Variants in TCAF1 observed in about 807,000 individuals in gnomAD.
The protein encoded by TCAF1 is TRPM8 channel-associated factor 1.
TCAF1 carries 4 observed loss-of-function variants against 27.3 expected under a neutral mutation model. The ratio of observed to expected loss-of-function variants is 0.15; its 90% CI spans 0.07 to 0.34. The LOEUF is 0.34. Among genes scored for constraint, TCAF1 ranks in the 10% least tolerant of loss-of-function variants. The probability of loss-of-function intolerance (pLI) is 1.00; values close to 1 mark genes in which losing one functional copy is unlikely to be tolerated. For missense variants in TCAF1, 257 were observed against 425.8 expected, an observed-to-expected ratio of 0.60 and a Z score of 3.49; for synonymous variants, 105 against 167.1, an observed-to-expected ratio of 0.63 and a Z score of 2.87.
intron 1 of TCAF1, chr7:143,885,669 T>C (rs1813365950): frequency 2.1e-6 from 1 of 477,396 alleles, no homozygotes; most frequent in South Asian, 8.9e-5. Context: ...TAAATCTACT[T>C]ATATATTGCC....
intron 2 of TCAF1, among the ~76,000 whole-genome samples, chr7:143,870,715 CATAAA>C (rs1812421340): frequency 6.7e-6 from 1 of 148,170 alleles, no homozygotes; most frequent in African/African-American, 2.5e-5. Flanking sequence ...TGTTAGCATT[CATAAA>C]ATAAAATTAA....
At chr7:143,897,149 T>C (rs1172626727) in intron 1 of TCAF1, among the ~76,000 whole-genome samples, 3 of 90,518 alleles carry the variant, frequency 3.3e-5, no homozygotes. Context: ...TATATATATA[T>C]ATATATATAT....
chr7:143,860,028 T>TAATATATA (rs1240577388), intron 6 of TCAF1, among the ~76,000 whole-genome samples, 180 bp downstream of exon 6: 51 of 4,234 alleles, frequency 0.012, 4 homozygotes, highest in African/African-American at 0.018. Flanking sequence ...TATTATATAT[T>TAATATATA]ATATATATAA....
intron 1 of TCAF1, among the ~76,000 whole-genome samples, chr7:143,890,579 T>TA (rs1215900844): frequency 6.6e-6 from 1 of 152,244 alleles, no homozygotes; most frequent in South Asian, 2.1e-4. Flanking sequence ...GTAAACAACA[T>TA]AAACAGGACA....
chr7:143,859,862 TAC>T (rs66763992), intron 6 of TCAF1, among the ~76,000 whole-genome samples: 10,396 of 63,724 alleles, frequency 0.16, 2,749 homozygotes, highest in Middle Eastern at 0.28. Context: ...CTGTTTTATA[TAC>T]ACATATACAT....
chr7:143,887,142 T>C (rs1002851565), intron 1 of TCAF1, among the ~76,000 whole-genome samples: 1 of 152,192 alleles, frequency 6.6e-6, no homozygotes, highest in African/African-American at 2.4e-5. Flanking sequence ...ATGTTCTGCC[T>C]GGAGTAGCTC....
Position 143,877,577 on chromosome 7 carries a change from G to A in TCAF1, c.-14-955C>T, listed in dbSNP as rs184825433. Among the ~76,000 whole-genome samples, 6 of 152,336 alleles carry A rather than the reference G, an allele frequency of 3.9e-5. No homozygotes were observed. In the East Asian group the frequency reaches 1.2e-3, roughly 29 times the overall value. ...CCTGGGATGCAGCTGACAAAAGTGT[G>A]GAGGTGAATTCACAAATATCCTCGG... On this transcript the variant is annotated intron_variant, in intron 1 of 8. Coordinates refer to ENST00000479870, the MANE Select transcript of TCAF1 (RefSeq NM_014719.3).
chr7:143,859,945 A>ATT (rs1491374393), intron 6 of TCAF1, among the ~76,000 whole-genome samples: 4 of 65,500 alleles, frequency 6.1e-5, no homozygotes, highest in African/African-American at 1.6e-4. Context: ...TATATTATAT[A>ATT]ATATATATTA....
Position 143,882,762 on chromosome 7 carries a change from G to A in TCAF1, c.-14-6140C>T, listed in dbSNP as rs1813141516. On this transcript the variant is annotated intron_variant, in intron 1 of 8. Transcript: ENST00000479870. ...AGGTCACCCTGCGATTTCCACGGGG[G>A]CAGGTGGGAGCGGGCAGAGCCTGGC... The A allele has an allele frequency of 1.3e-5, 13 of 985,932 alleles. 1 individual carries two copies. In the South Asian group the frequency reaches 5.2e-4, roughly 39 times the overall value. The allele number at this position is 985,932 out of a possible 1,614,324, so 61.1% of individuals were successfully genotyped here.
chr7:143,886,932 C>T (rs1813438715), intron 1 of TCAF1, among the ~76,000 whole-genome samples: 1 of 147,016 alleles, frequency 6.8e-6, no homozygotes, highest in East Asian at 2.0e-4. Flanking sequence ...GTCTTGAAGT[C>T]CTGGGCTCAA....
chr7:143,889,780 G>A (rs1272722544), intron 1 of TCAF1, among the ~76,000 whole-genome samples: 2 of 152,232 alleles, frequency 1.3e-5, no homozygotes, highest in African/African-American at 4.8e-5. Context: ...AGTGCTCTGA[G>A]AAAGTCAGCC....
intron 1 of TCAF1, chr7:143,882,193 A>AACACAC (rs35872468): frequency 0.013 from 1,909 of 150,368 alleles, 48 homozygotes; most frequent in African/African-American, 0.045. Flanking sequence ...CATGCGCGTA[A>AACACAC]ACACACACAC....
intron 1 of TCAF1, chr7:143,885,189 C>T (rs1458406885): frequency 4.1e-6 from 4 of 985,414 alleles, no homozygotes; most frequent in South Asian, 9.4e-5. Context: ...GTCCCCGAAA[C>T]CAGCTTTGGA....
At chr7:143,859,959 A>T (rs1811853160) in intron 6 of TCAF1, among the ~76,000 whole-genome samples, 5 of 35,702 alleles carry the variant, frequency 1.4e-4, no homozygotes, top group Non-Finnish European at 2.3e-4. Context: ...TATATTACGG[A>T]ATATATATTA....
At chr7:143,886,700 C>CTTTTTTTTTT (rs11398264) in intron 1 of TCAF1, among the ~76,000 whole-genome samples, 2 of 89,164 alleles carry the variant, frequency 2.2e-5, no homozygotes, top group East Asian at 3.6e-4. Flanking sequence ...CAAATTTTAC[C>CTTTTTTTTTT]TTTTTTTTTT....
chr7:143,901,224 A>G (rs1429554415), intron 1 of TCAF1, among the ~76,000 whole-genome samples: 2 of 152,206 alleles, frequency 1.3e-5, no homozygotes, highest in Non-Finnish European at 2.9e-5. Flanking sequence ...ACAAATCACT[A>G]GTTTGGAGGA....
In TCAF1 at chr7:143,902,110, G is replaced by A. The variant is rs1477521448; in HGVS notation, c.-164C>T. On this transcript the variant is annotated 5_prime_UTR_variant, in exon 1 of 9. Transcript: ENST00000479870. Reference sequence around the variant, plus strand: ...GGGAGGCGGTTGTTCCCAGGAGGAAGCAGCTTCTCCGCCCAGGAGGCAAAG... The same window carrying A: ...GGGAGGCGGTTGTTCCCAGGAGGAAACAGCTTCTCCGCCCAGGAGGCAAAG... 6.6e-6 allele frequency: 1 copy of A among 152,430 alleles called. No individual in the cohort carries two copies. Among genetic ancestry groups the A allele is most frequent in the Non-Finnish European group, 1.5e-5 (1 of 68,228 alleles). The allele number at this position is 152,430 out of a possible 1,614,324, so 9.4% of individuals were successfully genotyped here. A position where few individuals can be genotyped will look rare whatever the true frequency, so the allele number is the denominator to read the frequency against.
intron 1 of TCAF1, among the ~76,000 whole-genome samples, chr7:143,888,546 G>C (rs1043755607): frequency 6.6e-6 from 1 of 152,188 alleles, no homozygotes; most frequent in Non-Finnish European, 1.5e-5. Flanking sequence ...AGGGGAAAAA[G>C]ATCAATGAGA....
chr7:143,896,160 T>TA (rs1586801515), intron 1 of TCAF1, among the ~76,000 whole-genome samples: 1 of 151,764 alleles, frequency 6.6e-6, no homozygotes, highest in Non-Finnish European at 1.5e-5. Flanking sequence ...TCTGAAGAGT[T>TA]AGAGTCAAAC....
Sources: allele counts gnomAD v4.1 joint callset (sites outside exome capture counted in the v4.1 genomes callset), GRCh38; gene constraint gnomAD v4.1.1; transcripts MANE v1.5; gene names NCBI Gene and HGNC (gene_info 2026-07-23, HGNC 2026-07-21).